EXT1: variants seen among roughly 807,000 people sequenced by gnomAD.
EXT1 encodes exostosin glycosyltransferase 1.
A neutral mutation model predicts 82.5 loss-of-function variants in EXT1; 20 were observed. The observed-to-expected ratio is 0.24, with a 90% CI of 0.17 to 0.35. EXT1 has a LOEUF of 0.35. Ranked by LOEUF, EXT1 falls within the 10% of genes least tolerant of loss-of-function variation. The pLI, the probability that EXT1 is intolerant of heterozygous loss-of-function variation, is 1.00. For missense variants in EXT1, 757 were observed against 936.5 expected (o/e 0.81, Z 2.50); for synonymous variants, 348 against 350.8 (o/e 0.99, Z 0.09).
chr8:118,100,256 A>C (rs991573269), intron 1 of EXT1, among the ~76,000 whole-genome samples: 12 of 152,114 alleles, frequency 7.9e-5, no homozygotes, highest in Non-Finnish European at 1.8e-4. Flanking sequence ...GGGTCCTGAG[A>C]ACTTACGAGA....
rs1344571784 is a variant in EXT1, at chr8:117,795,500, G to GA, written c.*4211dup. On this transcript the variant is annotated 3_prime_UTR_variant, in exon 11 of 11. Coordinates refer to ENST00000378204, the MANE Select transcript of EXT1 (RefSeq NM_000127.3). ...CCCCAAGCTTTTTTTTTTTTTTAAA[G>GA]AAAAAAAAAAGGGGGGCCAGGCGCA... 4.5e-4 allele frequency: 58 copies of GA among 128,612 alleles called. No individual in the cohort carries two copies. The South Asian group carries it at 5.3e-3, about 12-fold the overall frequency. The allele number at this position is 128,612 out of a possible 1,614,324, so 8.0% of individuals were successfully genotyped here. A position where few individuals can be genotyped will look rare whatever the true frequency, so the allele number is the denominator to read the frequency against.
intron 1 of EXT1, among the ~76,000 whole-genome samples, chr8:117,867,547 C>G (rs986654099): frequency 6.6e-6 from 1 of 152,266 alleles, no homozygotes; most frequent in South Asian, 2.1e-4. Flanking sequence ...CTCCACCAAA[C>G]AGCAAATGGT....
chr8:117,818,384 G>A (rs764996250), intron 7 of EXT1, 51 bp downstream of exon 7: 1 of 1,513,698 alleles, frequency 6.6e-7, no homozygotes, highest in African/African-American at 1.4e-5. Flanking sequence ...GCCCCATGGA[G>A]AAACCAAGGC....
chr8:117,938,403 G>A (rs145020365), intron 1 of EXT1, among the ~76,000 whole-genome samples: 22 of 152,102 alleles, frequency 1.4e-4, no homozygotes, highest in African/African-American at 4.3e-4. Flanking sequence ...TAAAGGTTGC[G>A]GTGAGCAGAG....
chr8:117,936,923 T>C (rs112360970), intron 1 of EXT1, among the ~76,000 whole-genome samples: 1,996 of 152,216 alleles, frequency 0.013, 36 homozygotes, highest in East Asian at 0.042. Flanking sequence ...TAAATAACTA[T>C]GTTGAGTTGG....
intron 3 of EXT1, 54 bp from the exon 4 acceptor site, chr8:117,830,403 C>G (rs1812079580): frequency 5.6e-6 from 9 of 1,602,432 alleles, no homozygotes; most frequent in Non-Finnish European, 7.7e-6. Flanking sequence ...AAGAGATGCA[C>G]TTGATCAAAA....
intron 1 of EXT1, among the ~76,000 whole-genome samples, chr8:117,900,903 T>G (rs973133638): frequency 1.3e-5 from 2 of 152,234 alleles, no homozygotes; most frequent in Non-Finnish European, 2.9e-5. Context: ...CCTCAAGTAA[T>G]CTTGGCACAT....
At chr8:117,904,331 T>C (rs989506275) in intron 1 of EXT1, among the ~76,000 whole-genome samples, 1 of 152,204 alleles carries the variant, frequency 6.6e-6, no homozygotes, top group African/African-American at 2.4e-5. Context: ...CATGCAAACT[T>C]ATGTTTAACA....
intron 1 of EXT1, among the ~76,000 whole-genome samples, chr8:118,071,491 GT>G (rs1817093438): frequency 6.6e-6 from 1 of 151,056 alleles, no homozygotes; most frequent in East Asian, 1.9e-4. Context: ...AAGAAAGTAA[GT>G]TGGCAATGAC....
At chr8:118,025,414 A>G (rs1050662701) in intron 1 of EXT1, among the ~76,000 whole-genome samples, 63 of 152,312 alleles carry the variant, frequency 4.1e-4, no homozygotes, top group African/African-American at 1.4e-3. Context: ...AAACCGCACT[A>G]GGTCAAGATA....
chr8:117,883,117 G>C (rs1299437231), intron 1 of EXT1, among the ~76,000 whole-genome samples: 1 of 151,926 alleles, frequency 6.6e-6, no homozygotes, highest in Non-Finnish European at 1.5e-5. Context: ...AATTATGTTC[G>C]AATACTAATG....
chr8:118,009,204 G>A (rs1483646574), intron 1 of EXT1, among the ~76,000 whole-genome samples: 1 of 152,154 alleles, frequency 6.6e-6, no homozygotes, highest in Non-Finnish European at 1.5e-5. Context: ...GCTACACTGG[G>A]AATGTGAGCA....
At chr8:117,962,760 C>T (rs1432812478) in intron 1 of EXT1, among the ~76,000 whole-genome samples, 2 of 131,656 alleles carry the variant, frequency 1.5e-5, no homozygotes, top group Non-Finnish European at 3.0e-5. Context: ...CCCCCCACAC[C>T]CCCCACCCCC....
intron 1 of EXT1, among the ~76,000 whole-genome samples, chr8:117,951,587 A>C (rs1018249300): frequency 6.6e-6 from 1 of 152,186 alleles, no homozygotes; most frequent in African/African-American, 2.4e-5. Context: ...ACAAGAACCA[A>C]AGGAATTATG....
intron 1 of EXT1, among the ~76,000 whole-genome samples, chr8:117,908,928 A>T (rs56748438): frequency 0.25 from 38,635 of 151,600 alleles, 5,658 homozygotes; most frequent in East Asian, 0.37. Flanking sequence ...GTTCAAAACC[A>T]GCCTGGGCAA....
chr8:117,976,215 T>G (rs551559923), intron 1 of EXT1, among the ~76,000 whole-genome samples: 7 of 152,332 alleles, frequency 4.6e-5, no homozygotes, highest in Admixed American at 3.3e-4. Context: ...ATCTATTATC[T>G]TGCATTAAAA....
At chr8:118,100,963 A>G (rs971909965) in intron 1 of EXT1, among the ~76,000 whole-genome samples, 1 of 152,166 alleles carries the variant, frequency 6.6e-6, no homozygotes, top group African/African-American at 2.4e-5. Context: ...GGCACCTACC[A>G]CAATTTCCTG....
At chr8:117,901,850 C>A (rs1173434369) in intron 1 of EXT1, among the ~76,000 whole-genome samples, 1 of 151,998 alleles carries the variant, frequency 6.6e-6, no homozygotes, top group Non-Finnish European at 1.5e-5. Flanking sequence ...GTATGCACCA[C>A]CACACCTGGC....
intron 1 of EXT1, among the ~76,000 whole-genome samples, chr8:117,930,027 C>G (rs1372402772): frequency 2.0e-5 from 3 of 152,040 alleles, no homozygotes; most frequent in Non-Finnish European, 2.9e-5. Flanking sequence ...CTTGCTTGAA[C>G]CTGGGAGGCG....
Sources: allele counts gnomAD v4.1 joint callset (sites outside exome capture counted in the v4.1 genomes callset), GRCh38; gene constraint gnomAD v4.1.1; transcripts MANE v1.5; gene names NCBI Gene and HGNC (gene_info 2026-07-23, HGNC 2026-07-21).